The following LMNTD1 variants were observed in gnomAD, a reference collection of about 807,000 sequenced individuals.
LMNTD1 encodes the protein lamin tail domain containing 1.
Under a neutral mutation model 50.9 loss-of-function variants are expected in LMNTD1, and 35 were observed. The observed-to-expected ratio is 0.69, with a 90% CI of 0.53 to 0.91. The LOEUF (loss-of-function observed/expected upper bound fraction) is 0.91. LMNTD1 is among the 40% of genes least tolerant of loss of function. The pLI, the probability that LMNTD1 is intolerant of heterozygous loss-of-function variation, is 0.00. For synonymous variants in LMNTD1, 153 were observed against 161.9 expected (o/e 0.94, Z 0.42); for missense variants, 470 against 475.5 (o/e 0.99, Z 0.11).
At chr12:25,615,291 T>C (rs1027430772) in intron 1 of LMNTD1, among the ~76,000 whole-genome samples, 6 of 152,036 alleles carry the variant, frequency 3.9e-5, no homozygotes, top group African/African-American at 7.2e-5. Context: ...TTCCTGGATA[T>C]AGAAATAGGA....
chr12:25,571,347 A>T (rs1471375477), intron 1 of LMNTD1, among the ~76,000 whole-genome samples: 2 of 39,668 alleles, frequency 5.0e-5, no homozygotes, highest in African/African-American at 8.3e-5. Context: ...ATTTTTATTT[A>T]TTTATTTATT....
upstream of LMNTD1, chr12:25,557,182 T>G (rs1944078214): frequency 6.6e-6 from 1 of 152,258 alleles, no homozygotes; most frequent in Admixed American, 6.5e-5. Context: ...TCAATTCATT[T>G]CTTTTACACA....
At chr12:25,626,330 G>GTA (rs71065960) in intron 1 of LMNTD1, among the ~76,000 whole-genome samples, 30,338 of 150,876 alleles carry the variant, frequency 0.2, 3,626 homozygotes, top group East Asian at 0.52. Context: ...TTGTATGTGT[G>GTA]TATATATATA....
intron 1 of LMNTD1, among the ~76,000 whole-genome samples, chr12:25,567,901 C>T (rs1944623920): frequency 6.8e-6 from 1 of 146,852 alleles, no homozygotes; most frequent in African/African-American, 2.5e-5. Context: ...TGGCTTAATA[C>T]AGAAAATGGG....
intron 4 of LMNTD1, among the ~76,000 whole-genome samples, chr12:25,530,290 G>A (rs1409597631): frequency 6.6e-6 from 1 of 151,864 alleles, no homozygotes; most frequent in Non-Finnish European, 1.5e-5. Flanking sequence ...TGTTTCTTAT[G>A]GTATAGTTTA....
At chr12:25,553,761 CACACTT>C (rs1320996027), upstream of LMNTD1, among the ~76,000 whole-genome samples, 1 of 152,102 alleles carries the variant, frequency 6.6e-6, no homozygotes, top group East Asian at 1.9e-4. Context: ...GTAAAACACT[CACACTT>C]AATGTTTCAT....
At chr12:25,575,950 C>T (rs1463015585) in intron 1 of LMNTD1, among the ~76,000 whole-genome samples, 2 of 152,104 alleles carry the variant, frequency 1.3e-5, no homozygotes, top group Non-Finnish European at 2.9e-5. Flanking sequence ...GTTTGGTTTT[C>T]TGTCCTTGCG....
chr12:25,596,089 T>C (rs959124249), intron 1 of LMNTD1, among the ~76,000 whole-genome samples: 2 of 152,016 alleles, frequency 1.3e-5, no homozygotes, highest in South Asian at 2.1e-4. Flanking sequence ...AAGATTGAAA[T>C]GGTAATTTAA....
chr12:25,489,805 G>C (rs763956463), intron 9 of LMNTD1, among the ~76,000 whole-genome samples: 7 of 152,142 alleles, frequency 4.6e-5, no homozygotes, highest in Non-Finnish European at 7.4e-5. Flanking sequence ...TGTATGTACT[G>C]ATTTCAAATA....
In LMNTD1 at chr12:25,482,298, C is replaced by G. The variant is rs560904594; in HGVS notation, c.*23-5838G>C. 3.0e-4 allele frequency among the ~76,000 whole-genome samples: 46 copies of G among 152,088 alleles called. 1 individual carries two copies. Among genetic ancestry groups the G allele is most frequent in the African/African-American group, 1.0e-3 (43 of 41,362 alleles). On this transcript the variant is annotated intron_variant, in intron 9 of 9. Coordinates refer to ENST00000458174, the MANE Select transcript of LMNTD1 (RefSeq NM_001145728.2). ...GTTAATCCCAGAACCACATTAACTT[C>G]AGCAATCTCCATCAGCTTTAATTTT...
intron 8 of LMNTD1, 90 bp downstream of exon 8, chr12:25,518,705 T>C (rs1940985956): frequency 9.0e-7 from 1 of 1,110,286 alleles, no homozygotes; most frequent in Non-Finnish European, 1.3e-6. Context: ...CTTTAACACT[T>C]AGCACATTTT....
chr12:25,577,591 A>G (rs1301998675), intron 1 of LMNTD1, among the ~76,000 whole-genome samples: 2 of 152,108 alleles, frequency 1.3e-5, no homozygotes, highest in African/African-American at 2.4e-5. Context: ...GGGCTGAGAC[A>G]ATGGGGTTTT....
chr12:25,622,331 G>C (rs917862803), intron 1 of LMNTD1, among the ~76,000 whole-genome samples: 1 of 152,086 alleles, frequency 6.6e-6, no homozygotes, highest in Non-Finnish European at 1.5e-5. Context: ...TTCACCGTAT[G>C]ACTTAGCCAA....
chr12:25,555,876 G>A (rs1275006341), upstream of LMNTD1, among the ~76,000 whole-genome samples: 1 of 151,676 alleles, frequency 6.6e-6, no homozygotes, highest in Non-Finnish European at 1.5e-5. Flanking sequence ...AAATGTTAAT[G>A]GTGTCATCAA....
chr12:25,637,043 C>T (rs1247639372), intron 1 of LMNTD1, among the ~76,000 whole-genome samples: 2 of 152,088 alleles, frequency 1.3e-5, no homozygotes, highest in African/African-American at 4.8e-5. Flanking sequence ...ACAGTGTATA[C>T]TGCTTAGGTG....
chr12:25,600,610 C>A (rs147982159), intron 1 of LMNTD1, among the ~76,000 whole-genome samples: 3,405 of 151,944 alleles, frequency 0.022, 103 homozygotes, highest in African/African-American at 0.071. Context: ...AGGAAAAAAT[C>A]TAATAATCTG....
At chr12:25,488,011 C>T (rs2135914474) in intron 9 of LMNTD1, among the ~76,000 whole-genome samples, 1 of 149,248 alleles carries the variant, frequency 6.7e-6, no homozygotes, top group East Asian at 2.0e-4. Context: ...CACTGTTAGT[C>T]TGATGGGCTT....
At chr12:25,602,621 T>C (rs1228289739) in intron 1 of LMNTD1, among the ~76,000 whole-genome samples, 2 of 152,042 alleles carry the variant, frequency 1.3e-5, no homozygotes, top group African/African-American at 2.4e-5. Context: ...AGAAGTTTAC[T>C]TCCCAAGAAA....
intron 1 of LMNTD1, among the ~76,000 whole-genome samples, chr12:25,637,929 T>C (rs960863828): frequency 6.6e-6 from 1 of 152,070 alleles, no homozygotes; most frequent in African/African-American, 2.4e-5. Context: ...ATATTCCATA[T>C]TCACATATAT....
Sources: gnomAD v4.1 joint callset for allele counts (sites outside exome capture counted in the v4.1 genomes callset) on GRCh38, gnomAD v4.1.1 for gene constraint, MANE v1.5 for transcripts, NCBI Gene and HGNC (gene_info 2026-07-23, HGNC 2026-07-21) for gene names.